SYT13: variants seen among roughly 807,000 people sequenced by gnomAD.
SYT13 encodes synaptotagmin-13.
A neutral mutation model predicts 38.6 loss-of-function variants in SYT13; 21 were observed. The ratio of observed to expected loss-of-function variants is 0.54; its 90% CI spans 0.39 to 0.78. The LOEUF is 0.78. Ranked by LOEUF, SYT13 falls within the 30% of genes least tolerant of loss-of-function variation. The probability of loss-of-function intolerance (pLI) is 0.00; values close to 1 mark genes in which losing one functional copy is unlikely to be tolerated. For missense variants in SYT13, 495 were observed against 548.7 expected (o/e 0.90, Z 0.98); for synonymous variants, 241 against 237.6 (o/e 1.01, Z -0.13).
chr11:45,285,977 G>C (rs1182845537), intron 1 of SYT13, 48 bp downstream of exon 1: 2 of 1,575,354 alleles, frequency 1.3e-6, no homozygotes, highest in African/African-American at 1.3e-5. Context: ...GCAGCTGCCC[G>C]GCAACCCCGC....
At chr11:45,272,778 T>G (rs1854966127) in intron 1 of SYT13, among the ~76,000 whole-genome samples, 1 of 152,200 alleles carries the variant, frequency 6.6e-6, no homozygotes, top group South Asian at 2.1e-4. Flanking sequence ...GCCCCAGAGC[T>G]TCCTACCTGC....
At chr11:45,257,396 CT>C (rs1225558147) in intron 1 of SYT13, among the ~76,000 whole-genome samples, 1 of 152,168 alleles carries the variant, frequency 6.6e-6, no homozygotes, top group Non-Finnish European at 1.5e-5. Context: ...GATCTGAAGA[CT>C]GAGGTCTATG....
In SYT13 at chr11:45,243,634, C is replaced by G. The variant is rs111792448; in HGVS notation, c.*418G>C. On this transcript the variant is annotated 3_prime_UTR_variant, in exon 6 of 6. Transcript: ENST00000020926. ...GAACGCTGGCTAAGGTTTCTTTCCA[C>G]CTGGGCAATCTCTAACTCTAGGAGT... is the stretch of plus-strand genomic sequence containing the variant. The G allele has an allele frequency of 7.1e-3, 1,124 of 157,804 alleles. 18 individuals carry two copies. The highest frequency in any genetic ancestry group is 0.026 in the African/African-American group (1,074 of 41,732). 9.8% of individuals were successfully genotyped at this position (157,804 alleles called of 1,614,324 possible).
chr11:45,285,044 A>T lies in SYT13; in HGVS notation c.183+981T>A, dbSNP rs766014263. Reference sequence around the variant, plus strand: ...TTTAGTGCCACTCCTGGAACCATACAGTCTATAAGGGATCTAGAGGGCCTT... The same window carrying T: ...TTTAGTGCCACTCCTGGAACCATACTGTCTATAAGGGATCTAGAGGGCCTT... On this transcript the variant is annotated intron_variant, in intron 1 of 5. Transcript: ENST00000020926. Among the ~76,000 whole-genome samples the T allele has an allele frequency of 2.0e-5, 3 of 152,294 alleles. No homozygotes were observed. In the South Asian group the frequency reaches 6.2e-4, roughly 32 times the overall value.
At chr11:45,267,910 C>A (rs1410826375) in intron 1 of SYT13, among the ~76,000 whole-genome samples, 2 of 152,184 alleles carry the variant, frequency 1.3e-5, no homozygotes, top group African/African-American at 2.4e-5. Flanking sequence ...CCTTCCAACA[C>A]CTCCTCTCCT....
chr11:45,262,240 T>C lies in SYT13; in HGVS notation c.184-6349A>G, dbSNP rs374384894. Among the ~76,000 whole-genome samples the C allele has an allele frequency of 5.3e-5, 8 of 152,340 alleles. No homozygotes were observed. The South Asian group carries it at 8.3e-4, about 16-fold the overall frequency. On this transcript the variant is annotated intron_variant, in intron 1 of 5. Coordinates refer to ENST00000020926, the MANE Select transcript of SYT13 (RefSeq NM_020826.3). ...CACAAAAAGACACATATTGTATGATTCCACTCAAATGAAATACTTAGAGTC... is the reference window on the plus strand; with the variant it reads ...CACAAAAAGACACATATTGTATGATCCCACTCAAATGAAATACTTAGAGTC...
intron 4 of SYT13, among the ~76,000 whole-genome samples, chr11:45,247,938 AG>A (rs906695876): frequency 5.9e-5 from 9 of 152,378 alleles, no homozygotes; most frequent in African/African-American, 2.2e-4. Context: ...TTCTTAGTAA[AG>A]GTCATAAATT....
chr11:45,285,906 C>T, intron 1 of SYT13, 119 bp downstream of exon 1: 1 of 1,439,770 alleles, frequency 6.9e-7, no homozygotes, highest in South Asian at 1.2e-5. Flanking sequence ...CTGCTGTCCC[C>T]TCCCCGCCAA....
At chr11:45,244,387 G>C in intron 5 of SYT13, 31 bp from the exon 6 acceptor site, 1 of 1,593,966 alleles carries the variant, frequency 6.3e-7, no homozygotes, top group South Asian at 1.1e-5. Context: ...AAAAGAGACA[G>C]AGAGAAGGGA....
chr11:45,286,039 C>G lies in SYT13; in HGVS notation c.169G>C (p.Gly57Arg), dbSNP rs139035860. ...DLEKAKPSLL[G>R]SAQQFNVKKS... ...CCCCCGCTCACCTGTTGTGCAGACC[C>G]GAGCAAGCTGGGCTTCGCCTTCTCC... Residue 57 changes from glycine to arginine, a missense_variant, in exon 1 of 6, where the codon GGG (glycine) becomes CGG (arginine). Gly to Arg is a moderately radical substitution (Grantham distance 125, BLOSUM62 -2). Transcript: ENST00000020926. 259 of 1,608,456 alleles carry G rather than the reference C, an allele frequency of 1.6e-4. No homozygotes were observed. The highest frequency in any genetic ancestry group is 2.9e-5 in the Non-Finnish European group (34 of 1,179,590).
intron 1 of SYT13, among the ~76,000 whole-genome samples, chr11:45,267,129 C>A (rs531802146): frequency 6.6e-6 from 1 of 152,282 alleles, no homozygotes; most frequent in South Asian, 2.1e-4. Flanking sequence ...ACACTGAGTC[C>A]GTAGAGTTCA....
chr11:45,282,654 C>T (rs1283600238), intron 1 of SYT13, among the ~76,000 whole-genome samples: 2 of 152,202 alleles, frequency 1.3e-5, no homozygotes, highest in African/African-American at 4.8e-5. Context: ...TGCTACCAAG[C>T]TATCTGTGAT....
At chr11:45,251,666 C>T (rs1034748920) in intron 4 of SYT13, among the ~76,000 whole-genome samples, 1 of 152,134 alleles carries the variant, frequency 6.6e-6, no homozygotes, top group East Asian at 1.9e-4. Flanking sequence ...CTGACCTTCC[C>T]AGATCCCCTT....
chr11:45,286,309 C>T lies in SYT13; in HGVS notation c.-102G>A, dbSNP rs966222529. On this transcript the variant is annotated 5_prime_UTR_variant, in exon 1 of 6. Coordinates refer to ENST00000020926, the MANE Select transcript of SYT13 (RefSeq NM_020826.3). ...CCGGGATCCGGGCGAGCCAGCAGCT[C>T]TCCCGCCGCCAGAGGGGCGGGGACG... The T allele has an allele frequency of 7.4e-7, 1 of 1,345,840 alleles. No homozygotes were observed. The highest frequency in any genetic ancestry group is 2.9e-5 in the Admixed American group (1 of 34,540). 83.4% of individuals were successfully genotyped at this position (1,345,840 alleles called of 1,614,324 possible). A position where few individuals can be genotyped will look rare whatever the true frequency, so the allele number is the denominator to read the frequency against.
At chr11:45,284,900 A>G (rs1590537798) in intron 1 of SYT13, among the ~76,000 whole-genome samples, 1 of 152,226 alleles carries the variant, frequency 6.6e-6, no homozygotes, top group African/African-American at 2.4e-5. Context: ...AAGTGCCTCA[A>G]GGACAGCAGC....
At chr11:45,256,934 G>A (rs1036199056) in intron 1 of SYT13, among the ~76,000 whole-genome samples, 1 of 152,190 alleles carries the variant, frequency 6.6e-6, no homozygotes, top group African/African-American at 2.4e-5. Context: ...TGGGCATCAA[G>A]TTGCTGTGTC....
intron 4 of SYT13, among the ~76,000 whole-genome samples, chr11:45,247,382 C>T (rs764552014): frequency 3.9e-5 from 6 of 152,140 alleles, no homozygotes; most frequent in Admixed American, 2.0e-4. Flanking sequence ...GCCCTTCCCT[C>T]GAAATCCCAA....
intron 1 of SYT13, among the ~76,000 whole-genome samples, chr11:45,270,486 T>A (rs767430093): frequency 6.6e-6 from 1 of 152,322 alleles, no homozygotes; most frequent in South Asian, 2.1e-4. Context: ...GATGAAACCA[T>A]TAACTAGGCC....
intron 1 of SYT13, among the ~76,000 whole-genome samples, chr11:45,271,671 C>T (rs1360216526): frequency 6.6e-6 from 1 of 152,136 alleles, no homozygotes; most frequent in African/African-American, 2.4e-5. Context: ...ACAGTGTTTT[C>T]AGTAAATGAA....
Sources: allele counts gnomAD v4.1 joint callset (sites outside exome capture counted in the v4.1 genomes callset), GRCh38; gene constraint gnomAD v4.1.1; transcripts MANE v1.5; gene names NCBI Gene and HGNC (gene_info 2026-07-23, HGNC 2026-07-21).